The following CEP295 variants were observed in gnomAD, a reference collection of about 807,000 sequenced individuals.
CEP295 encodes the protein centrosomal protein of 295 kDa.
Under a neutral mutation model 291.6 loss-of-function variants are expected in CEP295, and 190 were observed. That is an observed-to-expected ratio of 0.65 (90% CI 0.58 to 0.73). The LOEUF (loss-of-function observed/expected upper bound fraction) is 0.73. Among genes scored for constraint, CEP295 ranks in the 30% least tolerant of loss-of-function variants. The pLI is 0.00. For synonymous variants in CEP295, 993 were observed against 1,038.8 expected (o/e 0.96, Z 0.85); for missense variants, 2,863 against 2,949.4 (o/e 0.97, Z 0.68).
rs891381670 is a variant in CEP295, at chr11:93,698,342, A to G, written c.3430A>G (p.Thr1144Ala). ...VGPSCHLIIP[T>A]FQDKSLSFPQ... ...TCCCTCCTGTCATTTGATAATCCCAACATTTCAGGATAAGTCTCTTAGTTT... is the reference window on the plus strand; with the variant it reads ...TCCCTCCTGTCATTTGATAATCCCAGCATTTCAGGATAAGTCTCTTAGTTT... Residue 1144 changes from threonine to alanine, a missense_variant, in exon 15 of 30, where the codon ACA becomes GCA. By Grantham distance (58) the Thr-to-Ala change is moderately conservative. Around this residue, in one of 3 missense-constraint regions of CEP295, gnomAD observed 2,295 missense variants for 2,335.7 expected, o/e 0.98. Transcript: ENST00000325212. The G allele has an allele frequency of 1.9e-5, 29 of 1,552,198 alleles. No homozygotes were observed. The highest frequency in any genetic ancestry group is 2.5e-5 in the Non-Finnish European group (29 of 1,147,102).
intron 18 of CEP295, among the ~76,000 whole-genome samples, chr11:93,714,193 G>C (rs957540222): frequency 6.6e-6 from 1 of 152,096 alleles, no homozygotes; most frequent in African/African-American, 2.4e-5. Context: ...ATGTTTTCCT[G>C]TATGGTCTTG....
intron 1 of CEP295, 27 bp downstream of exon 1, chr11:93,661,801 A>T (rs1327365306): frequency 1.3e-5 from 2 of 152,710 alleles, no homozygotes; most frequent in Admixed American, 6.5e-5. Flanking sequence ...CTGGCTTCCC[A>T]GTCGCCCCGT....
At chr11:93,702,981 T>G in intron 17 of CEP295, 62 bp downstream of exon 17, 1 of 1,353,444 alleles carries the variant, frequency 7.4e-7, no homozygotes, top group East Asian at 2.5e-5. Context: ...TACTTTTTTT[T>G]TAGATGGAGC....
chr11:93,729,849 A>C lies in CEP295; in HGVS notation c.7568-21A>C, dbSNP rs1394172046. 3.3e-6 allele frequency: 5 copies of C among 1,537,372 alleles called. No homozygotes were observed. In the Admixed American group the frequency reaches 1.1e-4, roughly 33 times the overall value. ...TTTAAAGCCTTGTGTTTACAACTTG[A>C]TTTCACTTTTCTTTCCTCAGGTTCA... On this transcript the variant is annotated intron_variant, in intron 27 of 29. Coordinates refer to ENST00000325212, the MANE Select transcript of CEP295 (RefSeq NM_033395.2).
chr11:93,719,246 G>GTT (rs61255145), intron 18 of CEP295, among the ~76,000 whole-genome samples: 65 of 135,514 alleles, frequency 4.8e-4, no homozygotes, highest in Admixed American at 2.0e-3. Context: ...TTTTTTCCGG[G>GTT]TTTTTTTTTT....
intron 12 of CEP295, among the ~76,000 whole-genome samples, chr11:93,695,010 A>C (rs530812212): frequency 4.6e-5 from 7 of 152,290 alleles, no homozygotes; most frequent in African/African-American, 1.7e-4. Flanking sequence ...CTTCTGTTCC[A>C]TGCCTGACAA....
rs1009159531 is a variant in CEP295 at position 93,695,472 on chromosome 11, A to G, written c.1534-25A>G. ...GCCTTTGTATGAGTTTGTTGTTAATAGATCAATAGTATTTTGTTACCTAGA... is the reference window on the plus strand; with the variant it reads ...GCCTTTGTATGAGTTTGTTGTTAATGGATCAATAGTATTTTGTTACCTAGA... On this transcript the variant is annotated intron_variant, in intron 12 of 29. Coordinates refer to ENST00000325212, the MANE Select transcript of CEP295 (RefSeq NM_033395.2). 3.6e-6 allele frequency: 5 copies of G among 1,380,964 alleles called. No individual in the cohort carries two copies. The African/African-American group carries it at 7.6e-5, about 21-fold the overall frequency. 85.5% of individuals were successfully genotyped at this position (1,380,964 alleles called of 1,614,324 possible).
At chr11:93,706,615 G>A (rs1591093826) in intron 17 of CEP295, 130 bp from the exon 18 acceptor site, 1 of 654,354 alleles carries the variant, frequency 1.5e-6, no homozygotes, top group Non-Finnish European at 2.4e-6. Flanking sequence ...GACTGTGAAA[G>A]GTAAGGAATT....
At position 93,699,689 on chromosome 11, in the gene CEP295, T is replaced by G. The variant is rs766472847; in HGVS notation, c.4777T>G (p.Ser1593Ala). ...PRLQDRLLSLSKPILPQQDNM... is the reference protein window; with the variant it reads ...PRLQDRLLSLAKPILPQQDNM... ...ATTACAGGATAGACTTTTGAGTTTA[T>G]CAAAGCCTATTCTGCCTCAGCAAGA... is the stretch of plus-strand genomic sequence containing the variant. Residue 1593 changes from serine to alanine, a missense_variant, in exon 15 of 30, where the codon TCA becomes GCA. Transcript: ENST00000325212. 1.9e-6 allele frequency: 3 copies of G among 1,551,542 alleles called. No individual in the cohort carries two copies. Among genetic ancestry groups the G allele is most frequent in the Admixed American group, 2.0e-5 (1 of 51,010 alleles).
intron 10 of CEP295, 135 bp from the exon 11 acceptor site, chr11:93,691,548 A>G: frequency 1.7e-6 from 1 of 602,172 alleles, no homozygotes; most frequent in Admixed American, 3.5e-5. Flanking sequence ...ATCATCAGGA[A>G]GGTTACTGGA....
chr11:93,716,299 C>G (rs1953235964), intron 18 of CEP295, among the ~76,000 whole-genome samples: 1 of 152,186 alleles, frequency 6.6e-6, no homozygotes, highest in Non-Finnish European at 1.5e-5. Flanking sequence ...TGGCTGAGCT[C>G]TCCTTCCCCC....
At chr11:93,682,597 A>T (rs202118962) in intron 7 of CEP295, among the ~76,000 whole-genome samples, 5 of 61,922 alleles carry the variant, frequency 8.1e-5, no homozygotes, top group African/African-American at 2.1e-4. Context: ...GAAGGTTGTT[A>T]AAAAAAAAAA....
At chr11:93,710,454 C>G (rs1310923986) in intron 18 of CEP295, among the ~76,000 whole-genome samples, 1 of 152,170 alleles carries the variant, frequency 6.6e-6, no homozygotes, top group African/African-American at 2.4e-5. Flanking sequence ...ATTGAACCAT[C>G]CTTGCATCCT....
rs114419347 is a variant in CEP295, at chr11:93,729,415, G to C, written c.7303-19G>C. On this transcript the variant is annotated intron_variant, in intron 25 of 29. Transcript: ENST00000325212. ...AAAGCGTTTAAAAAGAGTAAAACAT[G>C]CAACTTTCTTGCCATTAGGTGAGTG... 4,722 of 1,505,730 alleles carry C rather than the reference G, an allele frequency of 3.1e-3. 120 individuals are homozygous for C. In the East Asian group the frequency reaches 0.069, roughly 22 times the overall value. The allele number at this position is 1,505,730 out of a possible 1,614,324, so 93.3% of individuals were successfully genotyped here.
chr11:93,697,602 C>A lies in CEP295; in HGVS notation c.2690C>A (p.Ser897Tyr). The A allele has an allele frequency of 6.4e-7, 1 of 1,551,848 alleles. No individual in the cohort carries two copies. The highest frequency in any genetic ancestry group is 2.0e-5 in the Admixed American group (1 of 51,006). The part of the protein sequence containing the change: ...VFLPLVTPDS[S>Y]ALLPSAKADL... ...CTTCCCTTGGTAACTCCAGATTCAT[C>A]TGCTTTATTGCCTTCTGCCAAAGCA... is the stretch of plus-strand genomic sequence containing the variant. The change falls in exon 15 of 30, where the codon TCT becomes TAT. Residue 897 changes from serine (S) to tyrosine (Y), a missense_variant. Coordinates refer to ENST00000325212, the MANE Select transcript of CEP295 (RefSeq NM_033395.2).
At chr11:93,690,152 C>T (rs1951446672) in intron 10 of CEP295, among the ~76,000 whole-genome samples, 1 of 152,228 alleles carries the variant, frequency 6.6e-6, no homozygotes, top group African/African-American at 2.4e-5. Context: ...TGGCTCACAC[C>T]TGTAATCCCA....
chr11:93,728,769 C>G lies in CEP295; in HGVS notation c.7250C>G (p.Ala2417Gly). 6.5e-7 allele frequency: 1 copy of G among 1,550,176 alleles called. No individual in the cohort carries two copies. ...ACCAGTATTGCTGAAATGGATTTTG[C>G]AAATTTAACCCTAGAAGAGAAGAGC... Reference protein sequence around the residue: ...TDTSIAEMDFANLTLEEKSEN... With the variant: ...TDTSIAEMDFGNLTLEEKSEN... Residue 2417 changes from alanine (A) to glycine (G), a missense_variant, in exon 25 of 30, where the codon GCA (alanine) becomes GGA (glycine). Around this residue, in one of 3 missense-constraint regions of CEP295, gnomAD observed 2,295 missense variants for 2,335.7 expected, o/e 0.98. Transcript: ENST00000325212.
rs534147243 is a variant in CEP295 at position 93,670,367 on chromosome 11, G to A, written c.528+597G>A. Among the ~76,000 whole-genome samples the A allele has an allele frequency of 4.8e-5, 7 of 145,696 alleles. No individual in the cohort carries two copies. In the East Asian group the frequency reaches 1.0e-3, roughly 21 times the overall value. ...TCTATTTTTTATGGGAGTAAAATGT[G>A]TGCTTTTGTGATTTGAAGCTTATTT... On this transcript the variant is annotated intron_variant, in intron 5 of 29. Transcript: ENST00000325212.
chr11:93,676,692 C>T lies in CEP295; in HGVS notation c.624+1026C>T, dbSNP rs528477381. 3.9e-5 allele frequency among the ~76,000 whole-genome samples: 6 copies of T among 151,942 alleles called. No individual in the cohort carries two copies. In the East Asian group the frequency reaches 9.6e-4, roughly 24 times the overall value. On this transcript the variant is annotated intron_variant, in intron 6 of 29. Coordinates refer to ENST00000325212, the MANE Select transcript of CEP295 (RefSeq NM_033395.2). ...CTTCAATTTGTTGCTAACTGCTTTA[C>T]TGTTTACTGCATTTTTGTGATTTGA...
Sources: allele counts gnomAD v4.1 joint callset (sites outside exome capture counted in the v4.1 genomes callset), GRCh38; gene constraint gnomAD v4.1.1; regional missense constraint gnomAD v4.1.1; transcripts MANE v1.5; gene names NCBI Gene and HGNC (gene_info 2026-07-23, HGNC 2026-07-21).